CDH9: variants seen among roughly 807,000 people sequenced by gnomAD.
CDH9 encodes cadherin-9.
CDH9 carries 28 observed loss-of-function variants against 70.9 expected under a neutral mutation model. That is an observed-to-expected ratio of 0.40 (90% confidence interval 0.29 to 0.54). The LOEUF (loss-of-function observed/expected upper bound fraction) is 0.54, where lower values mean the gene tolerates loss of function less well. Among genes scored for constraint, CDH9 ranks in the 20% least tolerant of loss-of-function variants. The pLI is 0.59. For missense variants in CDH9, 874 were observed against 984.4 expected, an observed-to-expected ratio of 0.89 and a Z score of 1.50; for synonymous variants, 409 against 343.1, an observed-to-expected ratio of 1.19 and a Z score of -2.12.
At chr5:26,886,526 T>C (rs1164230062) in intron 9 of CDH9, among the ~76,000 whole-genome samples, 3 of 151,878 alleles carry the variant, frequency 2.0e-5, no homozygotes, top group Non-Finnish European at 4.4e-5. Context: ...GCACAATCCC[T>C]CCTATATATT....
chr5:26,993,623 G>C (rs1742616840), intron 1 of CDH9, among the ~76,000 whole-genome samples: 1 of 136,786 alleles, frequency 7.3e-6, no homozygotes, highest in African/African-American at 2.7e-5. Flanking sequence ...GAAGAAGAAG[G>C]ATATGGGAAG....
intron 7 of CDH9, among the ~76,000 whole-genome samples, chr5:26,900,674 C>T (rs1461700170): frequency 1.3e-5 from 2 of 151,988 alleles, no homozygotes; most frequent in Non-Finnish European, 2.9e-5. Context: ...TACAGTTTTC[C>T]AGTAATGTGT....
intron 11 of CDH9, among the ~76,000 whole-genome samples, chr5:26,883,242 T>G (rs533428629): frequency 7.0e-4 from 105 of 150,924 alleles, no homozygotes; most frequent in African/African-American, 2.4e-3. Flanking sequence ...TTAAATAAAT[T>G]TATAAGTTCT....
At chr5:26,899,245 T>C (rs1301516823) in intron 7 of CDH9, among the ~76,000 whole-genome samples, 21 of 152,146 alleles carry the variant, frequency 1.4e-4, no homozygotes, top group Admixed American at 1.4e-3. Flanking sequence ...GTTCAACCAT[T>C]GTAGAAGACA....
At chr5:26,986,588 A>T (rs1742491649) in intron 2 of CDH9, among the ~76,000 whole-genome samples, 2 of 152,114 alleles carry the variant, frequency 1.3e-5, no homozygotes, top group Non-Finnish European at 2.9e-5. Context: ...CTGCCTTAGG[A>T]TTATGAGCGA....
chr5:27,023,101 C>T (rs1743166702), intron 1 of CDH9, among the ~76,000 whole-genome samples: 1 of 151,878 alleles, frequency 6.6e-6, no homozygotes, highest in African/African-American at 2.4e-5. Flanking sequence ...ACGTTAAGCC[C>T]CAGTGTGGAA....
intron 2 of CDH9, among the ~76,000 whole-genome samples, chr5:26,922,401 G>T (rs1226568782): frequency 7.2e-5 from 11 of 151,986 alleles, no homozygotes; most frequent in Admixed American, 6.5e-4. Flanking sequence ...TATCTCAGTG[G>T]AAAACTTACA....
intron 1 of CDH9, among the ~76,000 whole-genome samples, chr5:27,021,973 G>A (rs918405047): frequency 5.9e-5 from 9 of 151,890 alleles, no homozygotes; most frequent in African/African-American, 1.9e-4. Context: ...GGATACTCTC[G>A]TGTTGTTATG....
Position 26,903,842 on chromosome 5 carries a change from G to A in CDH9, c.812-18C>T, listed in dbSNP as rs1249820090. 7 of 1,364,686 alleles carry A rather than the reference G, an allele frequency of 5.1e-6. No individual in the cohort carries two copies. Among genetic ancestry groups the A allele is most frequent in the East Asian group, 2.4e-5 (1 of 41,292 alleles). The allele number at this position is 1,364,686 out of a possible 1,614,324, so 84.5% of individuals were successfully genotyped here. ...ATACGTACCTATAAATTAAGTAAGA[G>A]CTGTTTTGACATTTCATCTTTATAT... On this transcript the variant is annotated intron_variant, in intron 5 of 11. Transcript: ENST00000231021.
chr5:26,988,511 A>G (rs181204818), intron 1 of CDH9, 129 bp from the exon 2 acceptor site: 35 of 731,048 alleles, frequency 4.8e-5, no homozygotes, highest in African/African-American at 1.1e-4. Flanking sequence ...TTATATTTCT[A>G]TATCAGTGAA....
At chr5:26,968,946 C>T (rs560985842) in intron 2 of CDH9, among the ~76,000 whole-genome samples, 1 of 152,304 alleles carries the variant, frequency 6.6e-6, no homozygotes, top group South Asian at 2.1e-4. Flanking sequence ...CTGAAACACA[C>T]AGTCTGATAT....
chr5:26,949,482 A>G (rs1193524416), intron 2 of CDH9, among the ~76,000 whole-genome samples: 1 of 152,264 alleles, frequency 6.6e-6, no homozygotes, highest in Non-Finnish European at 1.5e-5. Flanking sequence ...GCATGTCAGC[A>G]CAAGACAACA....
intron 2 of CDH9, among the ~76,000 whole-genome samples, chr5:26,969,871 T>A (rs1456552047): frequency 1.3e-5 from 2 of 150,118 alleles, no homozygotes; most frequent in East Asian, 1.9e-4. Flanking sequence ...ACTGGCTGGT[T>A]AAAAAATGTG....
chr5:26,906,861 A>C (rs753396700), intron 3 of CDH9, 23 bp from the exon 4 acceptor site: 47 of 1,579,458 alleles, frequency 3.0e-5, no homozygotes, highest in Non-Finnish European at 4.0e-5. Context: ...CCCATCCCCA[A>C]ACAGAGACAT....
At chr5:26,890,670 A>AATG (rs1291934188) in intron 7 of CDH9, 106 bp from the exon 8 acceptor site, 9 of 748,294 alleles carry the variant, frequency 1.2e-5, no homozygotes, top group Non-Finnish European at 1.8e-5. Context: ...AAAGACATGA[A>AATG]ATGCAAAATG....
chr5:26,923,712 T>C lies in CDH9; in HGVS notation c.229-7788A>G, dbSNP rs532913512. 3.9e-5 allele frequency among the ~76,000 whole-genome samples: 6 copies of C among 152,204 alleles called. No individual in the cohort carries two copies. The South Asian group carries it at 1.2e-3, about 31-fold the overall frequency. On this transcript the variant is annotated intron_variant, in intron 2 of 11. Coordinates refer to ENST00000231021, the MANE Select transcript of CDH9 (RefSeq NM_016279.4). ...TAAACAATTGAAATAATATCAAGCATGTTCTCTGACCACAATGGAATAAAA... is the reference window on the plus strand; with the variant it reads ...TAAACAATTGAAATAATATCAAGCACGTTCTCTGACCACAATGGAATAAAA...
chr5:26,958,042 G>A (rs1241547231), intron 2 of CDH9, among the ~76,000 whole-genome samples: 1 of 152,062 alleles, frequency 6.6e-6, no homozygotes, highest in Admixed American at 6.6e-5. Flanking sequence ...TCCTGGAGAG[G>A]AGCAAATGGG....
intron 1 of CDH9, among the ~76,000 whole-genome samples, chr5:26,990,435 A>G (rs1314384854): frequency 6.6e-6 from 1 of 152,204 alleles, no homozygotes; most frequent in African/African-American, 2.4e-5. Flanking sequence ...TTACAGTAAT[A>G]CAAAATTACA....
chr5:26,932,596 T>A (rs987789465), intron 2 of CDH9, among the ~76,000 whole-genome samples: 3 of 152,054 alleles, frequency 2.0e-5, no homozygotes, highest in Admixed American at 6.6e-5. Flanking sequence ...TCTTCTTTGA[T>A]TAGAGTTAGC....
Sources: allele counts gnomAD v4.1 joint callset (sites outside exome capture counted in the v4.1 genomes callset), GRCh38; gene constraint gnomAD v4.1.1; transcripts MANE v1.5; gene names NCBI Gene and HGNC (gene_info 2026-07-23, HGNC 2026-07-21).